Variants in DNAAF5 observed in about 807,000 individuals in gnomAD.
DNAAF5 encodes the protein dynein axonemal assembly factor 5.
In DNAAF5, 64 loss-of-function variants were observed where a neutral mutation model predicts 75.8. That is an observed-to-expected ratio of 0.84 (90% CI 0.69 to 1.04). The LOEUF (loss-of-function observed/expected upper bound fraction) is 1.04, where lower values mean the gene tolerates loss of function less well. DNAAF5 is among the 50% of genes least tolerant of loss of function. The pLI is 0.00. For missense variants in DNAAF5, 1,269 were observed against 1,178.5 expected (o/e 1.08, Z -1.12); for synonymous variants, 657 against 557.2 (o/e 1.18, Z -2.52).
chr7:750,474 C>G (rs904451189), intron 4 of DNAAF5, among the ~76,000 whole-genome samples: 1 of 152,190 alleles, frequency 6.6e-6, no homozygotes, highest in African/African-American at 2.4e-5. Flanking sequence ...GGGCAGGGAG[C>G]AGGGTGGTTT....
At chr7:744,130 C>T (rs994614581) in intron 4 of DNAAF5, among the ~76,000 whole-genome samples, 12 of 152,164 alleles carry the variant, frequency 7.9e-5, no homozygotes, top group African/African-American at 1.4e-4. Flanking sequence ...TGATGTTCCC[C>T]TTCCTGTGTC....
chr7:736,326 T>G lies in DNAAF5; in HGVS notation c.781-4493T>G, dbSNP rs188216732. On this transcript the variant is annotated intron_variant, in intron 2 of 12. Transcript: ENST00000297440. ...GGGCATTGAAGCCTCTAGCTGTTAC[T>G]GTGTTGGAGTCTGTCTCTCTCTTTA... Among the ~76,000 whole-genome samples, 213 of 152,376 alleles carry G rather than the reference T, an allele frequency of 1.4e-3. 1 individual carries two copies. The highest frequency in any genetic ancestry group is 4.7e-3 in the African/African-American group (194 of 41,594).
chr7:776,748 C>T (rs904187479), intron 11 of DNAAF5, among the ~76,000 whole-genome samples: 1 of 152,232 alleles, frequency 6.6e-6, no homozygotes, highest in Non-Finnish European at 1.5e-5. Context: ...TCACTCAGGG[C>T]AGCCTGCACA....
At chr7:755,592 C>T (rs1020190189) in intron 5 of DNAAF5, among the ~76,000 whole-genome samples, 1 of 152,154 alleles carries the variant, frequency 6.6e-6, no homozygotes, top group African/African-American at 2.4e-5. Flanking sequence ...ACTAGCCCAG[C>T]GTAGTGGCGT....
intron 2 of DNAAF5, among the ~76,000 whole-genome samples, chr7:734,884 G>A (rs985666228): frequency 1.3e-5 from 2 of 152,194 alleles, no homozygotes; most frequent in Non-Finnish European, 2.9e-5. Flanking sequence ...GTTGCTCACA[G>A]TGTAGCTGCT....
intron 6 of DNAAF5, among the ~76,000 whole-genome samples, chr7:758,069 G>T (rs537506641): frequency 2.0e-5 from 3 of 152,260 alleles, no homozygotes; most frequent in Admixed American, 6.5e-5. Flanking sequence ...GGGAGCGGGG[G>T]AGGGGCCCGG....
intron 2 of DNAAF5, among the ~76,000 whole-genome samples, chr7:737,312 T>C (rs1359272564): frequency 6.6e-6 from 1 of 152,168 alleles, no homozygotes; most frequent in Non-Finnish European, 1.5e-5. Context: ...GCCAGGCTTG[T>C]CTTGAACTCC....
chr7:732,479 G>A (rs1450151550), intron 2 of DNAAF5: 3 of 451,734 alleles, frequency 6.6e-6, no homozygotes, highest in East Asian at 7.0e-5. Flanking sequence ...TTTCCTGCTC[G>A]ATGTGTGCTG....
At chr7:764,989 T>C (rs1238637491) in intron 8 of DNAAF5, among the ~76,000 whole-genome samples, 1 of 151,880 alleles carries the variant, frequency 6.6e-6, no homozygotes, top group Non-Finnish European at 1.5e-5. Flanking sequence ...GGCGTGGTGG[T>C]GTGCGCCTGT....
At position 727,001 on chromosome 7, in the gene DNAAF5, C is replaced by A; in HGVS notation, c.281C>A (p.Ala94Glu). The change falls in exon 1 of 13, where the codon GCG (alanine) becomes GAG (glutamate). Residue 94 changes from alanine to glutamate, a missense_variant. Transcript: ENST00000297440. ...CLSDPAEGCR[A>E]LAVHLLDLGL... ...AGCGACCCCGCCGAGGGCTGCCGCGCGCTGGCAGTGCACCTGCTGGATCTG... is the reference window on the plus strand; with the variant it reads ...AGCGACCCCGCCGAGGGCTGCCGCGAGCTGGCAGTGCACCTGCTGGATCTG... 8.0e-7 allele frequency: 1 copy of A among 1,250,618 alleles called. No individual in the cohort carries two copies. Among genetic ancestry groups the A allele is most frequent in the Non-Finnish European group, 1.0e-6 (1 of 993,040 alleles). The allele number at this position is 1,250,618 out of a possible 1,614,324, so 77.5% of individuals were successfully genotyped here.
intron 12 of DNAAF5, among the ~76,000 whole-genome samples, chr7:782,277 G>A (rs1275047048): frequency 6.7e-6 from 1 of 149,846 alleles, no homozygotes; most frequent in African/African-American, 2.5e-5. Flanking sequence ...CTCCCGACAC[G>A]CGGCATCAGA....
At chr7:770,028 T>A (rs1224547611) in intron 8 of DNAAF5, among the ~76,000 whole-genome samples, 1 of 152,236 alleles carries the variant, frequency 6.6e-6, no homozygotes, top group Admixed American at 6.5e-5. Context: ...CTCGGCTCAC[T>A]GCAACCTCCA....
Position 761,808 on chromosome 7 carries a change from A to T in DNAAF5, c.1526A>T (p.His509Leu). The change falls in exon 7 of 13, where the codon CAT (histidine) becomes CTT (leucine). Residue 509 changes from histidine (H) to leucine (L), a missense_variant. His to Leu is a moderately conservative substitution (Grantham distance 99). Coordinates refer to ENST00000297440, the MANE Select transcript of DNAAF5 (RefSeq NM_017802.4). ...LCVQALVSVC[H>L]EDCGVASLQL... ...GTGCAGGCTCTGGTGTCTGTGTGTCATGAGGACTGTGGCGTGGCCAGCCTG... is the reference window on the plus strand; with the variant it reads ...GTGCAGGCTCTGGTGTCTGTGTGTCTTGAGGACTGTGGCGTGGCCAGCCTG... 3.1e-6 allele frequency: 5 copies of T among 1,609,276 alleles called. No homozygotes were observed. Among genetic ancestry groups the T allele is most frequent in the South Asian group, 1.1e-5 (1 of 89,914 alleles).
intron 8 of DNAAF5, among the ~76,000 whole-genome samples, chr7:767,928 G>A (rs544214346): frequency 6.6e-6 from 1 of 151,358 alleles, no homozygotes; most frequent in East Asian, 2.0e-4. Context: ...AGTGCTGGGA[G>A]GGCGGACACG....
At chr7:782,183 G>T (rs971687277) in intron 12 of DNAAF5, among the ~76,000 whole-genome samples, 1 of 152,078 alleles carries the variant, frequency 6.6e-6, no homozygotes, top group South Asian at 2.1e-4. Flanking sequence ...CTCCCGACAC[G>T]CGGCGTCAGA....
chr7:730,923 A>G (rs1400524925), intron 2 of DNAAF5, among the ~76,000 whole-genome samples: 1 of 152,228 alleles, frequency 6.6e-6, no homozygotes, highest in Non-Finnish European at 1.5e-5. Flanking sequence ...CCCTGAGGAC[A>G]TCAGGCTCTG....
intron 2 of DNAAF5, among the ~76,000 whole-genome samples, chr7:739,103 CCCA>C (rs1562377088): frequency 6.9e-5 from 7 of 101,394 alleles, no homozygotes; most frequent in East Asian, 3.5e-4. Flanking sequence ...CGCCCTCTGC[CCCA>C]TCACTGTATA....
chr7:727,360 AC>A, intron 1 of DNAAF5, 45 bp downstream of exon 1: 3 of 837,548 alleles, frequency 3.6e-6, no homozygotes, highest in African/African-American at 3.8e-5. Flanking sequence ...CCACACTCTC[AC>A]CCCCACCTCC....
chr7:778,034 G>C, intron 11 of DNAAF5: 1 of 152,226 alleles, frequency 6.6e-6, no homozygotes, highest in East Asian at 1.9e-4. Context: ...CAGATTCACA[G>C]TACACACGGC....
Sources: allele counts gnomAD v4.1 joint callset (sites outside exome capture counted in the v4.1 genomes callset), GRCh38; gene constraint gnomAD v4.1.1; transcripts MANE v1.5; gene names NCBI Gene and HGNC (gene_info 2026-07-23, HGNC 2026-07-21).